GOLM2: variants seen among roughly 807,000 people sequenced by gnomAD.
GOLM2 encodes protein GOLM2.
A neutral mutation model predicts 55.9 loss-of-function variants in GOLM2; 26 were observed. The ratio of observed to expected loss-of-function variants is 0.47; its 90% CI spans 0.34 to 0.65. The LOEUF (loss-of-function observed/expected upper bound fraction) is 0.65, where lower values mean the gene tolerates loss of function less well. Ranked by LOEUF, GOLM2 falls within the 30% of genes least tolerant of loss-of-function variation. The probability of loss-of-function intolerance (pLI) is 0.01; values close to 1 mark genes in which losing one functional copy is unlikely to be tolerated. For synonymous variants in GOLM2, 165 were observed against 194.6 expected, an observed-to-expected ratio of 0.85 and a Z score of 1.27; for missense variants, 486 against 531.8, an observed-to-expected ratio of 0.91 and a Z score of 0.85.
chr15:44,340,506 C>A (rs1227459314), intron 6 of GOLM2, among the ~76,000 whole-genome samples: 1 of 152,196 alleles, frequency 6.6e-6, no homozygotes, highest in Admixed American at 6.6e-5. Context: ...GATAGTCCCG[C>A]CTCAGCCTCT....
At chr15:44,378,291 G>A (rs567562797) in intron 6 of GOLM2, among the ~76,000 whole-genome samples, 3 of 151,080 alleles carry the variant, frequency 2.0e-5, no homozygotes, top group South Asian at 2.1e-4. Flanking sequence ...TCCTGACCTC[G>A]TGAGCCGCCC....
chr15:44,291,349 G>A (rs574844133), intron 1 of GOLM2, among the ~76,000 whole-genome samples: 3 of 152,072 alleles, frequency 2.0e-5, no homozygotes, highest in Admixed American at 2.0e-4. Context: ...CCTGTTCTCA[G>A]TAAAGGAAAA....
chr15:44,342,655 T>G (rs2079097404), intron 6 of GOLM2, among the ~76,000 whole-genome samples: 1 of 152,234 alleles, frequency 6.6e-6, no homozygotes, highest in South Asian at 2.1e-4. Context: ...TTTGAGGAAG[T>G]ATTTTGAGTG....
chr15:44,369,463 C>A (rs917365575), intron 6 of GOLM2, among the ~76,000 whole-genome samples: 8 of 151,686 alleles, frequency 5.3e-5, no homozygotes, highest in African/African-American at 1.9e-4. Flanking sequence ...ATCTCCCCAA[C>A]AAGAATGTAA....
At chr15:44,296,136 G>C (rs1050490983) in intron 1 of GOLM2, among the ~76,000 whole-genome samples, 1 of 152,290 alleles carries the variant, frequency 6.6e-6, no homozygotes, top group East Asian at 1.9e-4. Flanking sequence ...CCACAGCCAG[G>C]AACTCCTGGT....
chr15:44,369,450 G>C (rs771517756), intron 6 of GOLM2, among the ~76,000 whole-genome samples: 2 of 151,018 alleles, frequency 1.3e-5, no homozygotes. Flanking sequence ...TTTATTTATT[G>C]TTATCTCCCC....
intron 2 of GOLM2, among the ~76,000 whole-genome samples, chr15:44,325,092 G>A (rs931001489): frequency 6.6e-6 from 1 of 152,144 alleles, no homozygotes; most frequent in African/African-American, 2.4e-5. Flanking sequence ...GTAAACATGT[G>A]TCATGGGGCT....
intron 9 of GOLM2, among the ~76,000 whole-genome samples, chr15:44,412,410 A>G (rs934291400): frequency 6.6e-6 from 1 of 152,188 alleles, no homozygotes; most frequent in Non-Finnish European, 1.5e-5. Flanking sequence ...TGAGGATTTT[A>G]GTAACAGTAA....
chr15:44,396,435 T>A (rs2079527507), intron 8 of GOLM2, among the ~76,000 whole-genome samples: 1 of 152,210 alleles, frequency 6.6e-6, no homozygotes, highest in Non-Finnish European at 1.5e-5. Context: ...ATTTAACATT[T>A]GCTTTCTCAT....
In GOLM2 at chr15:44,380,933, G is replaced by A. The variant is rs903646617; in HGVS notation, c.1029G>A (p.Gln343=). ...GAATTCAAACAGATATACTAAAGCA[G>A]GCTACCAAGGACAGAGTCAGTGATT... The part of the protein sequence containing the change: ...EPRIQTDILK[Q]ATKDRVSDFH... Residue 343 remains glutamine (Q), a synonymous_variant, in exon 8 of 10, where the codon CAG becomes CAA. Transcript: ENST00000299957. 3.8e-6 allele frequency: 6 copies of A among 1,596,418 alleles called. No homozygotes were observed. The African/African-American group carries it at 8.1e-5, about 21-fold the overall frequency.
intron 8 of GOLM2, among the ~76,000 whole-genome samples, chr15:44,383,411 G>T (rs985848379): frequency 6.6e-6 from 1 of 151,996 alleles, no homozygotes; most frequent in Non-Finnish European, 1.5e-5. Flanking sequence ...CAGTTTTAAA[G>T]TGTCACTGGA....
At chr15:44,379,337 C>T (rs558988239) in intron 6 of GOLM2, among the ~76,000 whole-genome samples, 2 of 152,130 alleles carry the variant, frequency 1.3e-5, no homozygotes, top group South Asian at 4.1e-4. Flanking sequence ...CTTACCCGGG[C>T]GTGGTGGCGA....
intron 8 of GOLM2, among the ~76,000 whole-genome samples, chr15:44,397,309 C>G (rs1414091630): frequency 1.3e-5 from 2 of 151,766 alleles, no homozygotes; most frequent in Non-Finnish European, 2.9e-5. Context: ...GAAACCCCAT[C>G]TCTACTAAAA....
At chr15:44,293,147 G>T (rs565861294) in intron 1 of GOLM2, among the ~76,000 whole-genome samples, 36 of 152,160 alleles carry the variant, frequency 2.4e-4, no homozygotes, top group African/African-American at 8.4e-4. Flanking sequence ...TGGAAAATTA[G>T]ATCTGGAAAA....
intron 6 of GOLM2, among the ~76,000 whole-genome samples, chr15:44,369,070 TATATATATATATA>T (rs2079307790): frequency 1.2e-4 from 2 of 16,974 alleles, no homozygotes; most frequent in African/African-American, 6.6e-4. Context: ...GGATATATTA[TATATATATATATA>T]TATATATATA....
chr15:44,354,002 C>T (rs1487651191), intron 6 of GOLM2, among the ~76,000 whole-genome samples: 4 of 152,002 alleles, frequency 2.6e-5, no homozygotes, highest in Non-Finnish European at 5.9e-5. Context: ...GATTATTACA[C>T]GTTGTATGCC....
chr15:44,373,199 T>C (rs942471192), intron 6 of GOLM2, among the ~76,000 whole-genome samples: 2 of 152,256 alleles, frequency 1.3e-5, no homozygotes, highest in Non-Finnish European at 2.9e-5. Context: ...GGCTCACGCC[T>C]GTAATCCCAG....
chr15:44,349,333 C>CA (rs545166860), intron 6 of GOLM2, among the ~76,000 whole-genome samples: 7 of 148,850 alleles, frequency 4.7e-5, no homozygotes, highest in Admixed American at 2.7e-4. Context: ...AAGTAGAAAC[C>CA]AAAAAAAAGA....
chr15:44,364,078 G>A lies in GOLM2; in HGVS notation c.803-15612G>A, dbSNP rs192600970. ...GGAGCGGGGAGGGATAGCATTGGGA[G>A]ATATACCTAATGCTAGTTGACGAGT... On this transcript the variant is annotated intron_variant, in intron 6 of 9. Coordinates refer to ENST00000299957, the MANE Select transcript of GOLM2 (RefSeq NM_138423.4). Among the ~76,000 whole-genome samples, 1,493 of 152,220 alleles carry A rather than the reference G, an allele frequency of 9.8e-3. 11 individuals are homozygous for A. The highest frequency in any genetic ancestry group is 0.018 in the Non-Finnish European group (1,199 of 68,022).
Sources: allele counts gnomAD v4.1 joint callset (sites outside exome capture counted in the v4.1 genomes callset), GRCh38; gene constraint gnomAD v4.1.1; transcripts MANE v1.5; gene names NCBI Gene and HGNC (gene_info 2026-07-23, HGNC 2026-07-21).